DMD: variants seen among roughly 807,000 people sequenced by gnomAD.
DMD encodes the protein mutant dystrophin.
Under a neutral mutation model 330.1 loss-of-function variants are expected in DMD, and 63 were observed. The observed-to-expected ratio is 0.19, with a 90% CI of 0.16 to 0.24. DMD has a LOEUF of 0.24. Ranked by LOEUF, DMD falls within the 10% of genes least tolerant of loss-of-function variation. The pLI is 1.00. For synonymous variants in DMD, 1,223 were observed against 959.8 expected, an observed-to-expected ratio of 1.27 and a Z score of -5.07; for missense variants, 3,344 against 2,684.1, an observed-to-expected ratio of 1.25 and a Z score of -5.43.
At chrX:32,681,591 C>A (rs1300471573) in intron 9 of DMD, among the ~76,000 whole-genome samples, 1 of 111,746 alleles carries the variant, frequency 8.9e-6, no homozygotes, top group African/African-American at 3.3e-5. Flanking sequence ...CGGGCAGCTG[C>A]TCCCTTAAGT....
At chrX:32,595,973 T>C (rs1432260818) in intron 12 of DMD, 97 bp from the exon 13 acceptor site, 2 of 782,210 alleles carry the variant, frequency 2.6e-6, no homozygotes, top group Admixed American at 2.5e-5. Context: ...TTCTGCTACA[T>C]CTCAGGTACT....
At chrX:32,890,399 C>G in intron 2 of DMD, among the ~76,000 whole-genome samples, 1 of 105,503 alleles carries the variant, frequency 9.5e-6, no homozygotes, top group Non-Finnish European at 1.9e-5. Context: ...GAAGGAAAGG[C>G]CAGTCTATTG....
At chrX:33,043,937 C>T (rs768954211) in intron 1 of DMD, among the ~76,000 whole-genome samples, 41 of 107,134 alleles carry the variant, frequency 3.8e-4, no homozygotes, top group Middle Eastern at 4.8e-3. Flanking sequence ...ACTTTTCAGT[C>T]GGTGATGAGA....
At chrX:32,168,707 C>T (rs1034031494) in intron 44 of DMD, among the ~76,000 whole-genome samples, 18 of 111,258 alleles carry the variant, frequency 1.6e-4, no homozygotes, top group Non-Finnish European at 2.3e-4. Context: ...TTGCTTTTGA[C>T]GGCTAGTGAA....
chrX:32,252,699 TATATATAA>T (rs1569553607), intron 43 of DMD, among the ~76,000 whole-genome samples: 12 of 46,282 alleles, frequency 2.6e-4, no homozygotes, highest in South Asian at 2.2e-3. Context: ...TATATATAAA[TATATATAA>T]ATATATAAAT....
chrX:31,511,696 G>T (rs1035385018), intron 55 of DMD, among the ~76,000 whole-genome samples: 26 of 108,801 alleles, frequency 2.4e-4, no homozygotes, highest in African/African-American at 8.1e-4. Flanking sequence ...GTATTCCATG[G>T]TGTATATGTG....
At chrX:32,684,684 T>C (rs181518128) in intron 9 of DMD, among the ~76,000 whole-genome samples, 1 of 111,451 alleles carries the variant, frequency 9.0e-6, no homozygotes, top group East Asian at 2.8e-4. Context: ...AATTTGATTG[T>C]TTATATTATA....
At chrX:32,275,482 C>T (rs1431458001) in intron 43 of DMD, among the ~76,000 whole-genome samples, 1 of 111,238 alleles carries the variant, frequency 9.0e-6, no homozygotes, top group Non-Finnish European at 1.9e-5. Context: ...ATAAATCAGA[C>T]CAAAGATTGT....
At chrX:32,725,977 T>A (rs1313513285) in intron 7 of DMD, among the ~76,000 whole-genome samples, 2 of 110,935 alleles carry the variant, frequency 1.8e-5, no homozygotes, top group Non-Finnish European at 3.8e-5. Context: ...ATACAAACTA[T>A]GTACCCACAA....
At chrX:32,516,833 AG>A (rs1388349300) in intron 18 of DMD, 1 of 111,724 alleles carries the variant, frequency 9.0e-6, no homozygotes, top group African/African-American at 3.2e-5. Context: ...ATTATCTTTC[AG>A]TTTTCATATT....
At chrX:32,748,962 G>A (rs982751835) in intron 7 of DMD, among the ~76,000 whole-genome samples, 7 of 112,308 alleles carry the variant, frequency 6.2e-5, no homozygotes, top group African/African-American at 1.9e-4. Context: ...ATGTGATGGA[G>A]TAATTAACAG....
rs5902034 is a variant in DMD, at chrX:32,485,734, CTTTTTTTTTT to C, written c.2623-645_2623-636del. Among the ~76,000 whole-genome samples, 175 of 36,158 alleles carry C rather than the reference CTTTTTTTTTT, an allele frequency of 4.8e-3. 6 individuals carry two copies. In the South Asian group the frequency reaches 0.14, roughly 28 times the overall value. The allele number at this position is 36,158 out of a possible 115,157, so 31.4% of individuals were successfully genotyped here. A position where few individuals can be genotyped will look rare whatever the true frequency, so the allele number is the denominator to read the frequency against. ...CTCCTGACCAAACAGGCAACCACTG[CTTTTTTTTTT>C]TTTTTTTTTTTTTTTTGGGACAGAG... On this transcript the variant is annotated intron_variant, in intron 20 of 78. Transcript: ENST00000357033.
intron 17 of DMD, among the ~76,000 whole-genome samples, chrX:32,529,513 C>A (rs2047284653): frequency 1.9e-5 from 2 of 102,648 alleles, no homozygotes; most frequent in Non-Finnish European, 3.9e-5. Context: ...CGTGCCTCAG[C>A]CTCCCGAGTA....
intron 59 of DMD, among the ~76,000 whole-genome samples, chrX:31,455,777 T>C (rs2066112109): frequency 8.9e-6 from 1 of 112,387 alleles, no homozygotes; most frequent in Admixed American, 9.5e-5. Context: ...AAGTAGCCTA[T>C]TCAAGGAAAA....
rs200747590 is a variant in DMD, at chrX:31,355,075, TA to T, written c.9085-6442del. On this transcript the variant is annotated intron_variant, in intron 60 of 78. Transcript: ENST00000357033. Reference sequence around the variant, plus strand: ...TTTTTTCTTCAACATTGCTTTTAAATAAGCCAAAAGAATAAAAGAAAGAAAG... The same window carrying T: ...TTTTTTCTTCAACATTGCTTTTAAATAGCCAAAAGAATAAAAGAAAGAAAG... 2.1e-4 allele frequency among the ~76,000 whole-genome samples: 24 copies of T among 112,134 alleles called. No homozygotes were observed. The East Asian group carries it at 5.3e-3, about 25-fold the overall frequency.
intron 50 of DMD, among the ~76,000 whole-genome samples, chrX:31,786,777 A>G (rs1320627161): frequency 8.9e-6 from 1 of 111,757 alleles, no homozygotes; most frequent in Non-Finnish European, 1.9e-5. Context: ...ATTTGCCTCA[A>G]TTTGGTAGAA....
chrX:31,784,228 C>A (rs762820528), intron 50 of DMD, among the ~76,000 whole-genome samples: 150 of 111,801 alleles, frequency 1.3e-3, no homozygotes, highest in African/African-American at 4.8e-3. Context: ...AGCCAACAAG[C>A]ATCTGAAAAC....
At chrX:31,554,266 A>G (rs925226498) in intron 55 of DMD, among the ~76,000 whole-genome samples, 21 of 111,749 alleles carry the variant, frequency 1.9e-4, no homozygotes, top group African/African-American at 6.5e-4. Flanking sequence ...GGAATCATTA[A>G]AGATTAAAAA....
At chrX:33,202,616 C>T (rs1231458443) in intron 1 of DMD, among the ~76,000 whole-genome samples, 1 of 111,630 alleles carries the variant, frequency 9.0e-6, no homozygotes, top group Non-Finnish European at 1.9e-5. Context: ...TTCATTAATC[C>T]TTTTTGCCTC....
Sources: allele counts gnomAD v4.1 joint callset (sites outside exome capture counted in the v4.1 genomes callset), GRCh38; gene constraint gnomAD v4.1.1; transcripts MANE v1.5; gene names NCBI Gene and HGNC (gene_info 2026-07-23, HGNC 2026-07-21).